TASP1: variants seen among roughly 807,000 people sequenced by gnomAD.
The protein encoded by TASP1 is taspase 1.
TASP1 carries 16 observed loss-of-function variants against 56.6 expected under a neutral mutation model. The observed-to-expected ratio is 0.28, with a 90% CI of 0.19 to 0.43. The LOEUF (loss-of-function observed/expected upper bound fraction) is 0.43, where lower values mean the gene tolerates loss of function less well. Among genes scored for constraint, TASP1 ranks in the 20% least tolerant of loss-of-function variants. The probability of loss-of-function intolerance (pLI) is 1.00; values close to 1 mark genes in which losing one functional copy is unlikely to be tolerated. For synonymous variants in TASP1, 179 were observed against 184.2 expected (o/e 0.97, Z 0.23); for missense variants, 393 against 511.6 (o/e 0.77, Z 2.24).
chr20:13,253,218 T>C, the TASP1 span, among the ~76,000 whole-genome samples: 1 of 152,156 alleles, frequency 6.6e-6, no homozygotes, highest in South Asian at 2.1e-4. Flanking sequence ...TTTTTGATCT[T>C]CTCACCCTGC....
the TASP1 span, among the ~76,000 whole-genome samples, chr20:13,221,219 ACTCCTCCTCCTCCTCCTC>A: frequency 2.3e-4 from 19 of 82,726 alleles, no homozygotes; most frequent in South Asian, 5.4e-4. Flanking sequence ...AAGCCCTCCT[ACTCCTCCTCCTCCTCCTC>A]CTCCTCCTCC....
the TASP1 span, among the ~76,000 whole-genome samples, chr20:13,276,662 T>C: frequency 6.8e-6 from 1 of 146,132 alleles, no homozygotes; most frequent in African/African-American, 2.7e-5. Context: ...CTAGAGACTT[T>C]GTCAGTTTGG....
chr20:13,266,336 T>G, the TASP1 span, among the ~76,000 whole-genome samples: 11,613 of 152,240 alleles, frequency 0.076, 495 homozygotes, highest in Non-Finnish European at 0.1. Context: ...TCTAAAATAA[T>G]AGAAGGAGAG....
At chr20:13,386,812 G>T (rs2041165973), downstream of TASP1, among the ~76,000 whole-genome samples, 1 of 152,046 alleles carries the variant, frequency 6.6e-6, no homozygotes, top group Non-Finnish European at 1.5e-5. Flanking sequence ...TACATACTTT[G>T]TAAAAAAAAT....
chr20:13,313,037 C>A, the TASP1 span, among the ~76,000 whole-genome samples: 2 of 152,178 alleles, frequency 1.3e-5, no homozygotes, highest in East Asian at 3.8e-4. Context: ...AGGTCCCCCT[C>A]GAGCTAAAAG....
chr20:13,468,615 A>C (rs1426936601), intron 11 of TASP1, among the ~76,000 whole-genome samples: 2 of 152,176 alleles, frequency 1.3e-5, no homozygotes, highest in Non-Finnish European at 2.9e-5. Context: ...CTTAGGCCCT[A>C]TTCAGACTAA....
At chr20:13,383,273 C>G in the TASP1 span, among the ~76,000 whole-genome samples, 1 of 152,134 alleles carries the variant, frequency 6.6e-6, no homozygotes, top group South Asian at 2.1e-4. Context: ...CAGTGCAGAA[C>G]CTATTGTAAT....
chr20:13,537,738 A>G (rs1346045178), intron 8 of TASP1, among the ~76,000 whole-genome samples: 1 of 152,208 alleles, frequency 6.6e-6, no homozygotes, highest in East Asian at 1.9e-4. Context: ...AAGCATGTAT[A>G]TAAAGTTAGC....
chr20:13,253,051 G>A, the TASP1 span, among the ~76,000 whole-genome samples: 16,388 of 152,186 alleles, frequency 0.11, 1,045 homozygotes, highest in African/African-American at 0.16. Context: ...GGCTTAATTA[G>A]AGACAGACAC....
chr20:13,452,272 C>G (rs538344863), intron 11 of TASP1, among the ~76,000 whole-genome samples: 4 of 152,094 alleles, frequency 2.6e-5, no homozygotes, highest in African/African-American at 7.2e-5. Flanking sequence ...CATAGATCTT[C>G]AATTTGTTTT....
intron 8 of TASP1, among the ~76,000 whole-genome samples, chr20:13,541,937 C>T (rs561504388): frequency 4.0e-5 from 6 of 150,544 alleles, no homozygotes; most frequent in South Asian, 2.1e-4. Flanking sequence ...CCCAGCTACT[C>T]GGGAGGCTGA....
chr20:13,140,997 C>G, the TASP1 span, among the ~76,000 whole-genome samples: 2 of 152,160 alleles, frequency 1.3e-5, no homozygotes, highest in Admixed American at 1.3e-4. Flanking sequence ...GACCTACAAC[C>G]TTTGCTCTGG....
intron 4 of TASP1, among the ~76,000 whole-genome samples, chr20:13,613,480 T>G (rs548313791): frequency 6.6e-6 from 1 of 152,246 alleles, no homozygotes; most frequent in Admixed American, 6.5e-5. Flanking sequence ...AATGCTTGTA[T>G]AGGAAAATTA....
At chr20:13,165,399 T>G in the TASP1 span, 3 of 152,646 alleles carry the variant, frequency 2.0e-5, no homozygotes, top group African/African-American at 7.2e-5. Flanking sequence ...TTTGTCACAT[T>G]TGGACGTTTT....
the TASP1 span, among the ~76,000 whole-genome samples, chr20:13,226,590 T>G: frequency 6.6e-6 from 1 of 152,224 alleles, no homozygotes; most frequent in Non-Finnish European, 1.5e-5. Flanking sequence ...ATATTACTCA[T>G]GTAGCTGTGG....
intron 4 of TASP1, among the ~76,000 whole-genome samples, chr20:13,607,326 G>A (rs1375410060): frequency 6.6e-6 from 1 of 152,044 alleles, no homozygotes; most frequent in African/African-American, 2.4e-5. Context: ...CCAAGCCAAG[G>A]CAAAGATCTG....
At chr20:13,360,074 C>G in the TASP1 span, among the ~76,000 whole-genome samples, 4,531 of 151,124 alleles carry the variant, frequency 0.03, 89 homozygotes, top group Middle Eastern at 0.13. Context: ...AGCCTTACAA[C>G]TTAGTTCAGG....
chr20:13,154,029 A>G, the TASP1 span: 5 of 1,614,148 alleles, frequency 3.1e-6, no homozygotes, highest in Non-Finnish European at 4.2e-6. Context: ...GCAACTTGCG[A>G]AAAACACAAG....
the TASP1 span, among the ~76,000 whole-genome samples, chr20:13,122,307 T>G: frequency 6.6e-6 from 1 of 152,244 alleles, no homozygotes; most frequent in East Asian, 1.9e-4. Flanking sequence ...TGACTCAATC[T>G]GTGATTTAGT....
Sources: allele counts gnomAD v4.1 joint callset (sites outside exome capture counted in the v4.1 genomes callset), GRCh38; gene constraint gnomAD v4.1.1; transcripts MANE v1.5; gene names NCBI Gene and HGNC (gene_info 2026-07-23, HGNC 2026-07-21).